RNF6: variants seen among roughly 807,000 people sequenced by gnomAD.
RNF6 encodes the protein E3 ubiquitin-protein ligase RNF6.
In RNF6, 21 loss-of-function variants were observed where a neutral mutation model predicts 50.1. That is an observed-to-expected ratio of 0.42 (90% CI 0.30 to 0.60). The LOEUF is 0.60. Ranked by LOEUF, RNF6 falls within the 20% of genes least tolerant of loss-of-function variation. RNF6 has a pLI of 0.20. For synonymous variants in RNF6, 255 were observed against 291.8 expected (o/e 0.87, Z 1.29); for missense variants, 698 against 838.2 (o/e 0.83, Z 2.07).
At chr13:26,200,133 C>T (rs1284668497) in intron 5 of RNF6, among the ~76,000 whole-genome samples, 1 of 152,184 alleles carries the variant, frequency 6.6e-6, no homozygotes, top group East Asian at 1.9e-4. Context: ...TAAATATTTG[C>T]TGTTTGTAAG....
intron 5 of RNF6, among the ~76,000 whole-genome samples, chr13:26,141,453 A>C (rs1394982812): frequency 6.6e-6 from 1 of 151,244 alleles, no homozygotes; most frequent in African/African-American, 2.4e-5. Context: ...ATGCAGCCAG[A>C]GGCAACAGAT....
chr13:26,218,392 T>A, intron 4 of RNF6, 119 bp downstream of exon 4: 1 of 714,698 alleles, frequency 1.4e-6, no homozygotes, highest in Non-Finnish European at 2.5e-6. Flanking sequence ...ATTATCTGAA[T>A]GAGTATCACA....
chr13:26,159,346 C>T (rs147313292), intron 5 of RNF6, among the ~76,000 whole-genome samples: 3,894 of 152,052 alleles, frequency 0.026, 177 homozygotes, highest in African/African-American at 0.087. Context: ...AATTTATTGC[C>T]GGGTGCGGTG....
At chr13:26,182,034 T>A (rs1873267904) in intron 5 of RNF6, among the ~76,000 whole-genome samples, 1 of 152,206 alleles carries the variant, frequency 6.6e-6, no homozygotes, top group African/African-American at 2.4e-5. Flanking sequence ...AAAATCTTCA[T>A]GACATTGACC....
rs181973494 is a variant in RNF6, at chr13:26,214,990, A to C, written c.892T>G (p.Leu298Val). Reference sequence around the variant, plus strand: ...GTAGATCGTAATCTTATTGGCTCTAATCTTTGGTTTGTATTCCTCACTGTA... The same window carrying C: ...GTAGATCGTAATCTTATTGGCTCTACTCTTTGGTTTGTATTCCTCACTGTA... Reference protein sequence around the residue: ...NVTVRNTNQRLEPIRLRSTSN... With the variant: ...NVTVRNTNQRVEPIRLRSTSN... The change falls in exon 5 of 5, where the codon TTA (leucine) becomes GTA (valine). Residue 298 changes from leucine to valine, a missense_variant. By Grantham distance (32) the Leu-to-Val change is conservative. Coordinates refer to ENST00000381588, the MANE Select transcript of RNF6 (RefSeq NM_005977.4). The C allele has an allele frequency of 1.0e-4, 162 of 1,614,106 alleles. No homozygotes were observed. Among genetic ancestry groups the C allele is most frequent in the Non-Finnish European group, 3.4e-6 (4 of 1,180,012 alleles).
At chr13:26,209,524 A>G (rs1869233854), downstream of RNF6, among the ~76,000 whole-genome samples, 1 of 152,182 alleles carries the variant, frequency 6.6e-6, no homozygotes, top group Admixed American at 6.5e-5. Context: ...TTTATCCCAT[A>G]ATCTGCAGAA....
chr13:26,183,558 A>G (rs567659789), intron 5 of RNF6, among the ~76,000 whole-genome samples: 2 of 152,300 alleles, frequency 1.3e-5, no homozygotes, highest in South Asian at 2.1e-4. Flanking sequence ...GCGTATATCC[A>G]TAGTAGATTG....
intron 5 of RNF6, among the ~76,000 whole-genome samples, chr13:26,198,643 C>G (rs565597062): frequency 6.6e-6 from 1 of 151,624 alleles, no homozygotes; most frequent in East Asian, 1.9e-4. Flanking sequence ...AATGAAGGTC[C>G]TAGATAGTGT....
chr13:26,176,045 C>A (rs187319189), intron 5 of RNF6, among the ~76,000 whole-genome samples: 25 of 152,218 alleles, frequency 1.6e-4, no homozygotes, highest in Admixed American at 1.4e-3. Flanking sequence ...ACAAGTAAAT[C>A]TTGTAGAAAG....
At chr13:26,221,858 C>CATCCCAACCA (rs1209376818) in intron 1 of RNF6, 145 bp downstream of exon 1, 2 of 152,290 alleles carry the variant, frequency 1.3e-5, no homozygotes, top group African/African-American at 2.4e-5. Context: ...ATAGACGGTG[C>CATCCCAACCA]ATCCCAACCA....
In RNF6 at chr13:26,222,118, C is replaced by T. The variant is rs1016282535; in HGVS notation, c.-217G>A. Reference sequence around the variant, plus strand: ...GCGGGATAGGCTTGCCGCCGCGCCTCCGGAGCCCGCTGTGCCCTCGAATTG... The same window carrying T: ...GCGGGATAGGCTTGCCGCCGCGCCTTCGGAGCCCGCTGTGCCCTCGAATTG... On this transcript the variant is annotated 5_prime_UTR_variant, in exon 1 of 5. Transcript: ENST00000381588. 6.6e-5 allele frequency: 10 copies of T among 152,452 alleles called. No homozygotes were observed. The highest frequency in any genetic ancestry group is 2.4e-4 in the African/African-American group (10 of 41,478). The allele number at this position is 152,452 out of a possible 1,614,324, so 9.4% of individuals were successfully genotyped here.
chr13:26,190,569 C>A (rs1868414236), intron 5 of RNF6, among the ~76,000 whole-genome samples: 1 of 152,196 alleles, frequency 6.6e-6, no homozygotes, highest in Non-Finnish European at 1.5e-5. Flanking sequence ...TGAGGAAATT[C>A]TTCTGTTCAG....
At position 26,204,445 on chromosome 13, in the gene RNF6, C is replaced by A. The variant is rs144621745; in HGVS notation, n.768+11029G>T. 3.6e-4 allele frequency among the ~76,000 whole-genome samples: 50 copies of A among 139,080 alleles called. No individual in the cohort carries two copies. In the East Asian group the frequency reaches 1.0e-2, roughly 28 times the overall value. The allele number at this position is 139,080 out of a possible 152,430, so 91.2% of individuals were successfully genotyped here. A position where few individuals can be genotyped will look rare whatever the true frequency, so the allele number is the denominator to read the frequency against. On this transcript the variant is annotated intron_variant and non_coding_transcript_variant, in intron 5 of 5. Transcript: ENST00000468480. ...CTGGGAGGTGGAGATTGCAGTGAGC[C>A]GAGATTGCACCACTGCACTTTAGCC...
intron 5 of RNF6, among the ~76,000 whole-genome samples, chr13:26,190,027 G>A (rs886834747): frequency 2.4e-4 from 37 of 152,268 alleles, no homozygotes; most frequent in South Asian, 6.2e-4. Flanking sequence ...CAGGTCTCAC[G>A]GGGCTAAAAT....
chr13:26,186,545 C>T (rs1225035976), intron 5 of RNF6, among the ~76,000 whole-genome samples: 1 of 152,202 alleles, frequency 6.6e-6, no homozygotes. Flanking sequence ...CATGCACGTG[C>T]ACGAGCGCAC....
intron 5 of RNF6, among the ~76,000 whole-genome samples, chr13:26,172,779 G>C (rs1432863178): frequency 6.6e-6 from 1 of 152,090 alleles, no homozygotes. Flanking sequence ...TCCTGACCTC[G>C]TGATCCGCCC....
chr13:26,208,772 G>C (rs1869203415), downstream of RNF6, among the ~76,000 whole-genome samples: 1 of 152,198 alleles, frequency 6.6e-6, no homozygotes, highest in African/African-American at 2.4e-5. Context: ...AGAAGGTCAT[G>C]CTGCTCGATC....
At chr13:26,217,905 T>A (rs895408136) in intron 4 of RNF6, among the ~76,000 whole-genome samples, 1 of 152,206 alleles carries the variant, frequency 6.6e-6, no homozygotes. Flanking sequence ...TATTGAGCCA[T>A]TGCATTTTGG....
chr13:26,196,608 G>A (rs1459014470), intron 5 of RNF6, among the ~76,000 whole-genome samples: 1 of 151,692 alleles, frequency 6.6e-6, no homozygotes, highest in Non-Finnish European at 1.5e-5. Context: ...CCTCTAGCCT[G>A]GGTGACAGAG....
Sources: gnomAD v4.1 joint callset for allele counts (sites outside exome capture counted in the v4.1 genomes callset) on GRCh38, gnomAD v4.1.1 for gene constraint, MANE v1.5 for transcripts, NCBI Gene and HGNC (gene_info 2026-07-23, HGNC 2026-07-21) for gene names.